SDHD: variants seen among roughly 807,000 people sequenced by gnomAD.
SDHD encodes succinate dehydrogenase complex subunit D.
A neutral mutation model predicts 18.7 loss-of-function variants in SDHD; 6 were observed. The observed-to-expected ratio is 0.32, with a 90% CI of 0.18 to 0.63. The LOEUF is 0.63. Among genes scored for constraint, SDHD ranks in the 30% least tolerant of loss-of-function variants. SDHD has a pLI of 0.79. For synonymous variants in SDHD, 56 were observed against 73.9 expected (o/e 0.76, Z 1.24); for missense variants, 160 against 192.7 (o/e 0.83, Z 1.00).
At chr11:112,088,515 C>T (rs1002274236) in intron 2 of SDHD, 3 of 367,016 alleles carry the variant, frequency 8.2e-6, no homozygotes, top group Non-Finnish European at 1.6e-5. Context: ...CACGCCTGGA[C>T]CACTAACTTA....
Position 112,095,144 on chromosome 11 carries a change from G to T in SDHD, c.*174G>T. ...TAATCTTTGAGGAAAAGGTTTGAGA[G>T]GAATTATATCTAAGTTGTGAGACTG... On this transcript the variant is annotated 3_prime_UTR_variant, in exon 4 of 4. Coordinates refer to ENST00000375549, the MANE Select transcript of SDHD (RefSeq NM_003002.4). 1.5e-6 allele frequency: 1 copy of T among 661,900 alleles called. No homozygotes were observed. 41.0% of individuals were successfully genotyped at this position (661,900 alleles called of 1,614,324 possible). A position where few individuals can be genotyped will look rare whatever the true frequency, so the allele number is the denominator to read the frequency against.
chr11:112,090,693 G>T (rs1180459537), intron 3 of SDHD, among the ~76,000 whole-genome samples: 1 of 151,646 alleles, frequency 6.6e-6, no homozygotes, highest in East Asian at 1.9e-4. Flanking sequence ...TAGTGTTAAA[G>T]ATTTTTTTTT....
rs202198133 is a variant in SDHD, at chr11:112,088,902, G to A, written c.205G>A (p.Glu69Lys). 4 of 1,612,768 alleles carry A rather than the reference G, an allele frequency of 2.5e-6. No homozygotes were observed. Among genetic ancestry groups the A allele is most frequent in the Non-Finnish European group, 3.4e-6 (4 of 1,179,938 alleles). The change falls in exon 3 of 4, where the codon GAG becomes AAG. Residue 69 changes from glutamate to lysine, a missense_variant. Physicochemically the swap from Glu to Lys is moderately conservative, Grantham distance 56. Coordinates refer to ENST00000375549, the MANE Select transcript of SDHD (RefSeq NM_003002.4). ...SKAASLHWTS[E>K]RVVSVLLLGL... is the part of the protein sequence containing the mutation. Reference sequence around the variant, plus strand: ...GGCTGCATCTCTCCACTGGACTAGCGAGAGGGTTGTCAGTGTTTTGCTCCT... The same window carrying A: ...GGCTGCATCTCTCCACTGGACTAGCAAGAGGGTTGTCAGTGTTTTGCTCCT...
chr11:112,090,333 A>G (rs1055554262), intron 3 of SDHD, among the ~76,000 whole-genome samples: 5 of 134,712 alleles, frequency 3.7e-5, no homozygotes, highest in African/African-American at 1.2e-4. Flanking sequence ...CTGGTCTGGA[A>G]CTCCTGACCT....
intron 3 of SDHD, among the ~76,000 whole-genome samples, chr11:112,090,543 A>G (rs1458283575): frequency 6.6e-6 from 1 of 152,124 alleles, no homozygotes; most frequent in Non-Finnish European, 1.5e-5. Context: ...ATATGTTGTC[A>G]TTGTGGGGGG....
Position 112,095,150 on chromosome 11 carries a change from A to G in SDHD, c.*180A>G. On this transcript the variant is annotated 3_prime_UTR_variant, in exon 4 of 4. Transcript: ENST00000375549. ...TTGAGGAAAAGGTTTGAGAGGAATTATATCTAAGTTGTGAGACTGAGTTCT... is the reference window on the plus strand; with the variant it reads ...TTGAGGAAAAGGTTTGAGAGGAATTGTATCTAAGTTGTGAGACTGAGTTCT... The G allele has an allele frequency of 3.1e-6, 2 of 648,774 alleles. No homozygotes were observed. The highest frequency in any genetic ancestry group is 2.3e-5 in the Admixed American group (1 of 43,054). 40.2% of individuals were successfully genotyped at this position (648,774 alleles called of 1,614,324 possible). A position where few individuals can be genotyped will look rare whatever the true frequency, so the allele number is the denominator to read the frequency against.
intron 2 of SDHD, 109 bp from the exon 3 acceptor site, chr11:112,088,758 T>C (rs1022692450): frequency 3.2e-5 from 38 of 1,177,180 alleles, no homozygotes; most frequent in Non-Finnish European, 4.6e-5. Flanking sequence ...CTCAGAGTTA[T>C]ATCCTATATG....
chr11:112,086,878 G>T lies in SDHD; in HGVS notation c.-30G>T, dbSNP rs767806458. 3 of 1,614,234 alleles carry T rather than the reference G, an allele frequency of 1.9e-6. No individual in the cohort carries two copies. Among genetic ancestry groups the T allele is most frequent in the Non-Finnish European group, 2.5e-6 (3 of 1,180,052 alleles). Reference sequence around the variant, plus strand: ...ATTGTCGCCTAAGTGGTTCCGGGTTGGTGGATGACCTTGAGCCCTCAGGAA... The same window carrying T: ...ATTGTCGCCTAAGTGGTTCCGGGTTTGTGGATGACCTTGAGCCCTCAGGAA... On this transcript the variant is annotated 5_prime_UTR_variant, in exon 1 of 4. Transcript: ENST00000375549.
chr11:112,088,351 C>G (rs998745983), intron 2 of SDHD: 3 of 348,536 alleles, frequency 8.6e-6, no homozygotes, highest in Non-Finnish European at 1.7e-5. Context: ...AGGCGCCCAC[C>G]ACCATGCCCA....
chr11:112,087,417 A>G (rs1209388684), intron 1 of SDHD, among the ~76,000 whole-genome samples: 2 of 152,224 alleles, frequency 1.3e-5, no homozygotes, highest in Non-Finnish European at 2.9e-5. Context: ...ATGCTAGGAT[A>G]CAAATGTGAA....
At chr11:112,090,300 G>A (rs1865720663) in intron 3 of SDHD, among the ~76,000 whole-genome samples, 1 of 150,274 alleles carries the variant, frequency 6.7e-6, no homozygotes, top group African/African-American at 2.4e-5. Context: ...TAGTAGAGAC[G>A]GGGTTTCGCC....
Position 112,086,972 on chromosome 11 carries a change from C to G in SDHD, c.52+13C>G, listed in dbSNP as rs954474648. The G allele has an allele frequency of 1.5e-5, 24 of 1,613,942 alleles. No homozygotes were observed. Among genetic ancestry groups the G allele is most frequent in the African/African-American group, 2.7e-5 (2 of 74,918 alleles). Reference sequence around the variant, plus strand: ...CTAGGAGGCCGAGGTGAGGGGTCTTCCCACCCTGAGGTGCTTAGCGTAGCC... The same window carrying G: ...CTAGGAGGCCGAGGTGAGGGGTCTTGCCACCCTGAGGTGCTTAGCGTAGCC... On this transcript the variant is annotated intron_variant, in intron 1 of 3. Coordinates refer to ENST00000375549, the MANE Select transcript of SDHD (RefSeq NM_003002.4).
intron 3 of SDHD, 83 bp from the exon 4 acceptor site, chr11:112,094,722 T>A: frequency 7.7e-7 from 1 of 1,290,910 alleles, no homozygotes; most frequent in Non-Finnish European, 1.1e-6. Flanking sequence ...GACAGATTGT[T>A]TTTTTGCAGC....
At chr11:112,087,553 C>G (rs1350710650) in intron 1 of SDHD, among the ~76,000 whole-genome samples, 1 of 152,142 alleles carries the variant, frequency 6.6e-6, no homozygotes, top group Non-Finnish European at 1.5e-5. Flanking sequence ...GTCTCAAGAA[C>G]TGTTAAAGAG....
At chr11:112,087,765 T>C in intron 1 of SDHD, 92 bp from the exon 2 acceptor site, 1 of 821,912 alleles carries the variant, frequency 1.2e-6, no homozygotes, top group South Asian at 1.3e-5. Context: ...CCCCTATTTA[T>C]TGTTAAGTAG....
In SDHD at chr11:112,095,280, AAG is replaced by A. The variant is rs1394042836; in HGVS notation, c.*314_*315del. On this transcript the variant is annotated 3_prime_UTR_variant, in exon 4 of 4. Coordinates refer to ENST00000375549, the MANE Select transcript of SDHD (RefSeq NM_003002.4). ...TGCCTTTCAATTTATCAATCTCTTAAAGAGAATCCAACTTTATTACGATTAGT... is the reference window on the plus strand; with the variant it reads ...TGCCTTTCAATTTATCAATCTCTTAAAGAATCCAACTTTATTACGATTAGT... 2.4e-6 allele frequency: 1 copy of A among 419,014 alleles called. No homozygotes were observed. The highest frequency in any genetic ancestry group is 3.8e-5 in the Admixed American group (1 of 26,528). 26.0% of individuals were successfully genotyped at this position (419,014 alleles called of 1,614,324 possible). A position where few individuals can be genotyped will look rare whatever the true frequency, so the allele number is the denominator to read the frequency against.
At chr11:112,090,991 C>T in intron 3 of SDHD, 1 of 511,026 alleles carries the variant, frequency 2.0e-6, no homozygotes, top group Non-Finnish European at 2.5e-6. Context: ...CCACCGTGCC[C>T]AGCCTAAAGG....
intron 1 of SDHD, 46 bp downstream of exon 1, chr11:112,087,005 A>G (rs201556521): frequency 1.2e-6 from 2 of 1,605,524 alleles, no homozygotes; most frequent in East Asian, 4.5e-5. Context: ...GCCTCCAGCC[A>G]GGGAAGGGGA....
rs530202174 is a variant in SDHD at position 112,090,200 on chromosome 11, C to T, written c.314+1189C>T. On this transcript the variant is annotated intron_variant, in intron 3 of 3. Coordinates refer to ENST00000375549, the MANE Select transcript of SDHD (RefSeq NM_003002.4). ...TCAGCTCACCACAACCTCCGCCTCC[C>T]AGGTACAAGCGATTCTCCCTGCCTC... Among the ~76,000 whole-genome samples the T allele has an allele frequency of 6.6e-5, 10 of 152,254 alleles. No homozygotes were observed. The South Asian group carries it at 2.1e-3, about 32-fold the overall frequency.
Sources: gnomAD v4.1 joint callset for allele counts (sites outside exome capture counted in the v4.1 genomes callset) on GRCh38, gnomAD v4.1.1 for gene constraint, MANE v1.5 for transcripts, NCBI Gene and HGNC (gene_info 2026-07-23, HGNC 2026-07-21) for gene names.